PCP4L1: variants seen among roughly 807,000 people sequenced by gnomAD.
The protein encoded by PCP4L1 is Purkinje cell protein 4 like 1, also known as Purkinje cell protein 4-like protein 1.
A neutral mutation model predicts 9.6 loss-of-function variants in PCP4L1; 9 were observed. That is an observed-to-expected ratio of 0.94 (90% confidence interval 0.57 to 1.64). PCP4L1 has a LOEUF of 1.64. PCP4L1 is among the 40% of genes most tolerant of loss of function. PCP4L1 has a pLI of 0.00. For missense variants in PCP4L1, 81 were observed against 80.8 expected (o/e 1.00, Z -0.01); for synonymous variants, 31 against 28.2 (o/e 1.10, Z -0.31).
chr1:161,275,465 G>A (rs1453373845), intron 1 of PCP4L1, among the ~76,000 whole-genome samples: 2 of 147,942 alleles, frequency 1.4e-5, no homozygotes, highest in African/African-American at 2.5e-5. Flanking sequence ...GCAATGGGCC[G>A]AGATCGCGCC....
At chr1:161,267,458 C>G (rs374343649) in intron 1 of PCP4L1, among the ~76,000 whole-genome samples, 11 of 152,276 alleles carry the variant, frequency 7.2e-5, no homozygotes, top group Middle Eastern at 6.8e-3. Flanking sequence ...TTTATCTTTT[C>G]CAAGGTTCTA....
chr1:161,281,729 C>T (rs1302788808), intron 1 of PCP4L1, among the ~76,000 whole-genome samples: 3 of 137,936 alleles, frequency 2.2e-5, no homozygotes, highest in East Asian at 2.4e-4. Flanking sequence ...CGGGCAGAGA[C>T]GCTCCTCACC....
intron 1 of PCP4L1, among the ~76,000 whole-genome samples, chr1:161,278,480 G>T (rs1176773467): frequency 6.6e-6 from 1 of 150,478 alleles, no homozygotes; most frequent in East Asian, 1.9e-4. Flanking sequence ...TGTTGCCTGG[G>T]CTGGTCATGA....
intron 1 of PCP4L1, among the ~76,000 whole-genome samples, chr1:161,281,420 G>A (rs759298651): frequency 7.0e-4 from 107 of 152,160 alleles, no homozygotes; most frequent in Non-Finnish European, 1.1e-3. Context: ...AGGGGCGGCC[G>A]GGCAGAGGCG....
At chr1:161,262,173 G>A (rs534570663) in intron 1 of PCP4L1, among the ~76,000 whole-genome samples, 32 of 152,134 alleles carry the variant, frequency 2.1e-4, no homozygotes, top group African/African-American at 7.5e-4. Context: ...GGTGGCTCAC[G>A]CGTGTAATCC....
At chr1:161,276,327 A>G (rs969362163) in intron 1 of PCP4L1, among the ~76,000 whole-genome samples, 5 of 152,194 alleles carry the variant, frequency 3.3e-5, no homozygotes, top group Admixed American at 6.5e-5. Flanking sequence ...AAAGGGGAAC[A>G]AGCAGGAATT....
In PCP4L1 at chr1:161,284,443, C is replaced by G. The variant is rs573684115; in HGVS notation, c.169C>G (p.Arg57Gly). The stretch of plus-strand genomic sequence containing the variant: ...TGCCCTTGCTATTCAGGGCAAGTTC[C>G]GGCGATTTCAGAAAAGGAAAAAGGA... Reference protein sequence around the residue: ...KAALAIQGKFRRFQKRKKDPS... With the variant: ...KAALAIQGKFGRFQKRKKDPS... Residue 57 changes from arginine (R) to glycine (G), a missense_variant, in exon 3 of 3, where the codon CGG becomes GGG. Transcript: ENST00000504449. 1.9e-6 allele frequency: 3 copies of G among 1,613,912 alleles called. No homozygotes were observed. The Admixed American group carries it at 5.0e-5, about 27-fold the overall frequency.
At chr1:161,279,304 A>C (rs891327452) in intron 1 of PCP4L1, among the ~76,000 whole-genome samples, 3 of 152,196 alleles carry the variant, frequency 2.0e-5, no homozygotes, top group African/African-American at 7.2e-5. Flanking sequence ...TAACTGATGT[A>C]TTTGTTGAAT....
chr1:161,276,645 C>T (rs1669702081), intron 1 of PCP4L1, among the ~76,000 whole-genome samples: 1 of 149,606 alleles, frequency 6.7e-6, no homozygotes, highest in Non-Finnish European at 1.5e-5. Flanking sequence ...TGTGCCACTG[C>T]ACTCCAGCCT....
intron 1 of PCP4L1, among the ~76,000 whole-genome samples, chr1:161,265,391 ATG>A (rs1353264130): frequency 6.6e-6 from 1 of 152,074 alleles, no homozygotes; most frequent in Admixed American, 6.6e-5. Flanking sequence ...TTAGCCAGAT[ATG>A]GTGGTGTGCA....
Position 161,283,705 on chromosome 1 carries a change from C to G in PCP4L1, c.47C>G (p.Ala16Gly). ...TKTSPATNQA[A>G]GQEEKGKAGN... ...ACATCCCCAGCAACCAACCAGGCAGCTGGCCAAGAGGAAAAAGGTGAGTGG... is the reference window on the plus strand; with the variant it reads ...ACATCCCCAGCAACCAACCAGGCAGGTGGCCAAGAGGAAAAAGGTGAGTGG... Residue 16 changes from alanine to glycine, a missense_variant, in exon 2 of 3, where the codon GCT (alanine) becomes GGT (glycine). Coordinates refer to ENST00000504449, the MANE Select transcript of PCP4L1 (RefSeq NM_001102566.2). The G allele has an allele frequency of 6.2e-7, 1 of 1,606,324 alleles. No homozygotes were observed. The highest frequency in any genetic ancestry group is 1.1e-5 in the South Asian group (1 of 89,488).
chr1:161,272,435 G>C (rs1669638739), intron 1 of PCP4L1, among the ~76,000 whole-genome samples: 1 of 151,730 alleles, frequency 6.6e-6, no homozygotes, highest in Admixed American at 6.6e-5. Flanking sequence ...GTGGGCACCT[G>C]TAATCCCAGC....
intron 1 of PCP4L1, 68 bp downstream of exon 1, chr1:161,259,051 C>G: frequency 6.6e-7 from 1 of 1,515,008 alleles, no homozygotes; most frequent in South Asian, 1.2e-5. Flanking sequence ...CTCGGGATCC[C>G]AGGGAGGCGA....
intron 1 of PCP4L1, among the ~76,000 whole-genome samples, chr1:161,267,131 A>G (rs570078644): frequency 6.6e-6 from 1 of 152,286 alleles, no homozygotes; most frequent in South Asian, 2.1e-4. Context: ...AAAGGCAAGG[A>G]AAGGGATTTT....
At chr1:161,268,243 T>A (rs1157987866) in intron 1 of PCP4L1, among the ~76,000 whole-genome samples, 2 of 151,968 alleles carry the variant, frequency 1.3e-5, no homozygotes, top group Non-Finnish European at 2.9e-5. Context: ...GATTGTGATT[T>A]CTAGGGCTTG....
intron 1 of PCP4L1, among the ~76,000 whole-genome samples, chr1:161,270,693 GA>G (rs753125910): frequency 2.6e-5 from 4 of 151,980 alleles, no homozygotes; most frequent in Non-Finnish European, 4.4e-5. Context: ...CCAACATGGT[GA>G]AACGCCATCT....
At chr1:161,264,385 C>T (rs1452453120) in intron 1 of PCP4L1, among the ~76,000 whole-genome samples, 1 of 152,046 alleles carries the variant, frequency 6.6e-6, no homozygotes, top group Non-Finnish European at 1.5e-5. Context: ...GGTGTGGTGG[C>T]AGCCACCTGT....
In PCP4L1 at chr1:161,271,910, C is replaced by A. The variant is rs569208509; in HGVS notation, c.10-11758C>A. ...GCCTTGATCTCTGGGTTCTAGTGAT[C>A]GATCCTCATACCTCAGCCTCCCGAG... On this transcript the variant is annotated intron_variant, in intron 1 of 2. Transcript: ENST00000504449. 6.6e-5 allele frequency among the ~76,000 whole-genome samples: 10 copies of A among 151,946 alleles called. No individual in the cohort carries two copies. In the East Asian group the frequency reaches 1.9e-3, roughly 29 times the overall value.
chr1:161,281,409 A>T (rs1355259037), intron 1 of PCP4L1, among the ~76,000 whole-genome samples: 1 of 151,840 alleles, frequency 6.6e-6, no homozygotes, highest in Admixed American at 6.5e-5. Context: ...CACTTCCCAC[A>T]AGGGGCGGCC....
Sources: allele counts gnomAD v4.1 joint callset (sites outside exome capture counted in the v4.1 genomes callset), GRCh38; gene constraint gnomAD v4.1.1; transcripts MANE v1.5; gene names NCBI Gene and HGNC (gene_info 2026-07-23, HGNC 2026-07-21).